TNFSF4: variants seen among roughly 807,000 people sequenced by gnomAD.
TNFSF4 encodes TNF superfamily member 4.
TNFSF4 carries 4 observed loss-of-function variants against 7.3 expected under a neutral mutation model. The ratio of observed to expected loss-of-function variants is 0.55; its 90% confidence interval spans 0.27 to 1.25. TNFSF4 has a LOEUF of 1.25. Among genes scored for constraint, TNFSF4 ranks in the 50% most tolerant of loss-of-function variants. TNFSF4 has a pLI of 0.12. For missense variants in TNFSF4, 181 were observed against 208.8 expected (o/e 0.87, Z 0.82); for synonymous variants, 76 against 83.7 (o/e 0.91, Z 0.50).
the TNFSF4 span, among the ~76,000 whole-genome samples, chr1:173,293,210 A>G: frequency 6.6e-6 from 1 of 152,146 alleles, no homozygotes; most frequent in Non-Finnish European, 1.5e-5. Context: ...CCCAACTTCA[A>G]ACTATACTAT....
chr1:173,268,305 G>T, the TNFSF4 span, among the ~76,000 whole-genome samples: 1 of 152,042 alleles, frequency 6.6e-6, no homozygotes, highest in African/African-American at 2.4e-5. Flanking sequence ...TTTCATAGTT[G>T]ATGTAAAACT....
At chr1:173,198,194 A>G (rs1649786989) in intron 1 of TNFSF4, among the ~76,000 whole-genome samples, 1 of 152,252 alleles carries the variant, frequency 6.6e-6, no homozygotes, top group South Asian at 2.1e-4. Flanking sequence ...TGAACAAGAC[A>G]TTGCACTGGG....
chr1:173,381,770 G>A, the TNFSF4 span, among the ~76,000 whole-genome samples: 1 of 152,186 alleles, frequency 6.6e-6, no homozygotes, highest in Non-Finnish European at 1.5e-5. Flanking sequence ...GGTGAAGCCG[G>A]CTGGGCTTCT....
At chr1:173,251,741 G>A in the TNFSF4 span, among the ~76,000 whole-genome samples, 1 of 152,226 alleles carries the variant, frequency 6.6e-6, no homozygotes, top group Non-Finnish European at 1.5e-5. Context: ...ACACAGCAGA[G>A]TACCTGGGAA....
downstream of TNFSF4, among the ~76,000 whole-genome samples, chr1:173,182,329 G>A (rs1218323913): frequency 6.6e-6 from 1 of 152,134 alleles, no homozygotes; most frequent in East Asian, 1.9e-4. Flanking sequence ...CCAGGAGGAG[G>A]GACTTGCCAA....
At chr1:173,433,288 T>TA in the TNFSF4 span, among the ~76,000 whole-genome samples, 1 of 152,198 alleles carries the variant, frequency 6.6e-6, no homozygotes, top group Admixed American at 6.5e-5. Flanking sequence ...AGTGTGCTCT[T>TA]AATCTGAAAT....
the TNFSF4 span, among the ~76,000 whole-genome samples, chr1:173,306,187 T>C: frequency 2.3e-3 from 350 of 151,976 alleles, 2 homozygotes; most frequent in African/African-American, 7.9e-3. Flanking sequence ...TTAGAATCAA[T>C]AGCATCGAAG....
the TNFSF4 span, among the ~76,000 whole-genome samples, chr1:173,299,244 C>G: frequency 2.0e-5 from 3 of 151,912 alleles, no homozygotes; most frequent in Non-Finnish European, 4.4e-5. Context: ...TTGACAGCAG[C>G]TGACAGCTCT....
chr1:173,225,580 G>A, the TNFSF4 span, among the ~76,000 whole-genome samples: 4 of 152,294 alleles, frequency 2.6e-5, no homozygotes, highest in South Asian at 4.1e-4. Context: ...TCAGTACCTG[G>A]CATATGTCGG....
the TNFSF4 span, among the ~76,000 whole-genome samples, chr1:173,322,693 C>T: frequency 6.6e-6 from 1 of 152,168 alleles, no homozygotes; most frequent in South Asian, 2.1e-4. Flanking sequence ...CACCCTAATA[C>T]TGCACTTTTC....
the TNFSF4 span, among the ~76,000 whole-genome samples, chr1:173,347,110 G>A: frequency 2.0e-5 from 3 of 152,202 alleles, no homozygotes; most frequent in Admixed American, 2.0e-4. Flanking sequence ...GTAACTTGGA[G>A]TCAGGGCCAC....
chr1:173,178,122 C>A, the TNFSF4 span, among the ~76,000 whole-genome samples: 3 of 152,270 alleles, frequency 2.0e-5, no homozygotes, highest in South Asian at 6.2e-4. Context: ...ATATCATAAT[C>A]TTTTCCTTTT....
chr1:173,271,405 T>A, the TNFSF4 span, among the ~76,000 whole-genome samples: 7 of 152,090 alleles, frequency 4.6e-5, no homozygotes, highest in Non-Finnish European at 1.0e-4. Context: ...AAATAGGGGA[T>A]CCTTTCCCCA....
At chr1:173,372,083 G>T in the TNFSF4 span, among the ~76,000 whole-genome samples, 1 of 152,290 alleles carries the variant, frequency 6.6e-6, no homozygotes, top group African/African-American at 2.4e-5. Context: ...CTAATCAAGG[G>T]TACGAGGCGT....
the TNFSF4 span, among the ~76,000 whole-genome samples, chr1:173,326,809 A>C: frequency 3.3e-5 from 5 of 152,316 alleles, no homozygotes; most frequent in African/African-American, 9.6e-5. Context: ...CCAACTTACA[A>C]GGGATGTGAA....
At chr1:173,192,653 C>T (rs942823946) in intron 1 of TNFSF4, among the ~76,000 whole-genome samples, 1 of 152,098 alleles carries the variant, frequency 6.6e-6, no homozygotes, top group African/African-American at 2.4e-5. Flanking sequence ...TCATTATATA[C>T]ACTTGTCAAA....
At chr1:173,222,944 C>T in the TNFSF4 span, among the ~76,000 whole-genome samples, 7 of 152,310 alleles carry the variant, frequency 4.6e-5, no homozygotes, top group South Asian at 2.1e-4. Flanking sequence ...CTTGACAAGG[C>T]TTTCTCCAGT....
the TNFSF4 span, among the ~76,000 whole-genome samples, chr1:173,323,800 G>C: frequency 2.0e-5 from 3 of 152,076 alleles, no homozygotes; most frequent in South Asian, 4.1e-4. Context: ...AGCATGAAGA[G>C]AAGTTTAGAG....
the TNFSF4 span, among the ~76,000 whole-genome samples, chr1:173,377,583 C>A: frequency 6.6e-6 from 1 of 152,186 alleles, no homozygotes; most frequent in Admixed American, 6.5e-5. Context: ...AGACAAACTT[C>A]CTCTTGCCTC....
Sources: allele counts gnomAD v4.1 joint callset (sites outside exome capture counted in the v4.1 genomes callset), GRCh38; gene constraint gnomAD v4.1.1; transcripts MANE v1.5; gene names NCBI Gene and HGNC (gene_info 2026-07-23, HGNC 2026-07-21).